CCDC93: variants seen among roughly 807,000 people sequenced by gnomAD.
CCDC93 encodes CCC complex scaffolding subunit CCDC93.
A neutral mutation model predicts 108.2 loss-of-function variants in CCDC93; 61 were observed. The ratio of observed to expected loss-of-function variants is 0.56; its 90% confidence interval spans 0.46 to 0.70. The LOEUF is 0.70. CCDC93 is among the 30% of genes least tolerant of loss of function. The pLI is 0.00. For synonymous variants in CCDC93, 276 were observed against 260.4 expected (o/e 1.06, Z -0.58); for missense variants, 685 against 764.2 (o/e 0.90, Z 1.22).
intron 23 of CCDC93, among the ~76,000 whole-genome samples, chr2:117,927,950 AT>A (rs1447638888): frequency 2.6e-5 from 4 of 152,214 alleles, no homozygotes; most frequent in Non-Finnish European, 5.9e-5. Context: ...CTCAGAAATA[AT>A]GCCGCACATC....
At chr2:117,923,943 T>G (rs1438435107) in intron 23 of CCDC93, among the ~76,000 whole-genome samples, 1 of 152,194 alleles carries the variant, frequency 6.6e-6, no homozygotes, top group Non-Finnish European at 1.5e-5. Context: ...TCCAGAGGAA[T>G]GATCAGGCAA....
At chr2:117,936,931 C>T (rs905835305) in intron 20 of CCDC93, 192 bp from the exon 21 acceptor site, 11 of 576,792 alleles carry the variant, frequency 1.9e-5, no homozygotes, top group Non-Finnish European at 3.4e-5. Flanking sequence ...CTCAGGGAAT[C>T]CACCTTCTTC....
intron 1 of CCDC93, 124 bp downstream of exon 1, chr2:118,013,830 G>T: frequency 3.6e-6 from 3 of 839,114 alleles, no homozygotes; most frequent in Non-Finnish European, 5.4e-6. Flanking sequence ...CCCTGAGGTG[G>T]ATACGCCTGA....
chr2:117,979,413 AC>A (rs1680042871), intron 7 of CCDC93, among the ~76,000 whole-genome samples: 1 of 152,130 alleles, frequency 6.6e-6, no homozygotes, highest in Non-Finnish European at 1.5e-5. Context: ...TCCCCCATGC[AC>A]ATGTGCTCAG....
chr2:117,947,640 C>T (rs956878177), intron 15 of CCDC93, among the ~76,000 whole-genome samples: 1 of 151,228 alleles, frequency 6.6e-6, no homozygotes, highest in Non-Finnish European at 1.5e-5. Context: ...AGTTACTAAC[C>T]ATGGTGCTCT....
chr2:118,009,603 C>T (rs748906619), intron 1 of CCDC93, among the ~76,000 whole-genome samples: 5 of 152,116 alleles, frequency 3.3e-5, no homozygotes, highest in African/African-American at 7.2e-5. Context: ...ACCCAGGAGG[C>T]GGGGGTTGCA....
At chr2:118,005,885 T>C (rs1242943937) in intron 3 of CCDC93, among the ~76,000 whole-genome samples, 1 of 152,152 alleles carries the variant, frequency 6.6e-6, no homozygotes, top group Non-Finnish European at 1.5e-5. Context: ...AATTGCAACA[T>C]TCCTGATGCT....
intron 18 of CCDC93, among the ~76,000 whole-genome samples, chr2:117,943,696 A>G (rs1249006267): frequency 1.3e-5 from 2 of 152,218 alleles, no homozygotes; most frequent in Non-Finnish European, 2.9e-5. Flanking sequence ...TCTCCCCCAT[A>G]TTTGATGTCA....
chr2:118,005,869 A>G (rs969493156), intron 3 of CCDC93, among the ~76,000 whole-genome samples: 7 of 152,156 alleles, frequency 4.6e-5, no homozygotes, highest in Non-Finnish European at 7.3e-5. Flanking sequence ...GTATAAATAT[A>G]AAGTAAATTG....
rs1677776702 is a variant in CCDC93 at position 117,918,949 on chromosome 2, T to C, written c.*1394A>G. 6.6e-6 allele frequency: 1 copy of C among 152,244 alleles called. No homozygotes were observed. The highest frequency in any genetic ancestry group is 6.5e-5 in the Admixed American group (1 of 15,288). The allele number at this position is 152,244 out of a possible 1,614,324, so 9.4% of individuals were successfully genotyped here. On this transcript the variant is annotated 3_prime_UTR_variant, in exon 24 of 24. Coordinates refer to ENST00000376300, the MANE Select transcript of CCDC93 (RefSeq NM_019044.5). ...CTGCTTAATCACATCCATTAGGGAC[T>C]AAAAATGAACACATTTCTGTGGCTG... is the stretch of plus-strand genomic sequence containing the variant.
chr2:117,923,655 GGCCTGCCTGCCT>G (rs756961154), intron 23 of CCDC93, among the ~76,000 whole-genome samples: 32 of 132,410 alleles, frequency 2.4e-4, no homozygotes, highest in East Asian at 2.2e-3. Flanking sequence ...AGCACAAGGA[GGCCTGCCTGCCT>G]GCCTGCCTGC....
intron 18 of CCDC93, among the ~76,000 whole-genome samples, chr2:117,943,786 C>G (rs1183484722): frequency 6.6e-6 from 1 of 152,202 alleles, no homozygotes; most frequent in Non-Finnish European, 1.5e-5. Context: ...CACTCTCCAC[C>G]TGGGGTTAGG....
rs148434878 is a variant in CCDC93 at position 117,941,195 on chromosome 2, G to A, written c.1516C>T (p.Arg506Cys). The A allele has an allele frequency of 5.3e-5, 86 of 1,608,038 alleles. No homozygotes were observed. Among genetic ancestry groups the A allele is most frequent in the African/African-American group, 2.8e-4 (21 of 74,790 alleles). Residue 506 changes from arginine to cysteine, a missense_variant, in exon 19 of 24, where the codon CGC (arginine) becomes TGC (cysteine). Physicochemically the swap from Arg to Cys is radical, Grantham distance 180. Coordinates refer to ENST00000376300, the MANE Select transcript of CCDC93 (RefSeq NM_019044.5). ...CTGTGGTCAATGCACCTACTCTGGC[G>A]GTAGAGTTCAATAAATCTCTTCTGA... ...QYQKRFIELY[R>C]QISAVHKETK... is the part of the protein sequence containing the mutation.
Position 117,920,106 on chromosome 2 carries a change from C to CCTATA in CCDC93, c.*232_*236dup. On this transcript the variant is annotated 3_prime_UTR_variant, in exon 24 of 24. Transcript: ENST00000376300. The stretch of plus-strand genomic sequence containing the variant: ...TTGAATCAACAGAGAACAAGTACTC[C>CCTATA]CTATATTCTTCATAGGATGATGGGT... The CCTATA allele has an allele frequency of 2.4e-6, 1 of 421,062 alleles. No homozygotes were observed. The highest frequency in any genetic ancestry group is 5.3e-5 in the South Asian group (1 of 18,708). The allele number at this position is 421,062 out of a possible 1,614,324, so 26.1% of individuals were successfully genotyped here. A position where few individuals can be genotyped will look rare whatever the true frequency, so the allele number is the denominator to read the frequency against.
At chr2:118,008,688 A>G in intron 1 of CCDC93, 30 bp from the exon 2 acceptor site, 3 of 1,432,350 alleles carry the variant, frequency 2.1e-6, no homozygotes, top group Non-Finnish European at 3.0e-6. Context: ...TTTGGCTGGT[A>G]AAAGATATGC....
chr2:117,955,074 A>G (rs1425255697), intron 12 of CCDC93, among the ~76,000 whole-genome samples: 1 of 152,156 alleles, frequency 6.6e-6, no homozygotes, highest in Non-Finnish European at 1.5e-5. Flanking sequence ...GAATGGACTA[A>G]TATTTCCTTA....
At chr2:117,990,517 A>T (rs1191122366) in intron 6 of CCDC93, among the ~76,000 whole-genome samples, 1 of 152,254 alleles carries the variant, frequency 6.6e-6, no homozygotes, top group Non-Finnish European at 1.5e-5. Flanking sequence ...AGAAGTATTA[A>T]AAGCCTTAGG....
At position 117,948,189 on chromosome 2, in the gene CCDC93, G is replaced by A. The variant is rs753358255; in HGVS notation, c.1143-3C>T. 4.4e-6 allele frequency: 7 copies of A among 1,608,052 alleles called. No homozygotes were observed. The highest frequency in any genetic ancestry group is 2.2e-5 in the East Asian group (1 of 44,778). ...GTGCTCTCAGGTTCTGTAGGATACT[G>A]AAGAGAAAAGACAAAAAAATGACAT... is the stretch of plus-strand genomic sequence containing the variant. On this transcript the variant is annotated splice_region_variant and splice_polypyrimidine_tract_variant and intron_variant, in intron 14 of 23. Coordinates refer to ENST00000376300, the MANE Select transcript of CCDC93 (RefSeq NM_019044.5).
Position 117,918,113 on chromosome 2 carries a change from G to C in CCDC93, c.*2230C>G, listed in dbSNP as rs1312031657. The C allele has an allele frequency of 6.6e-6, 1 of 152,186 alleles. No homozygotes were observed. The highest frequency in any genetic ancestry group is 1.5e-5 in the Non-Finnish European group (1 of 68,056). 9.4% of individuals were successfully genotyped at this position (152,186 alleles called of 1,614,324 possible). Reference sequence around the variant, plus strand: ...TGGTGCTCCAGGTGGCTTCTGAAATGATCAGGGGCCTTGGGGCATCTCCTT... The same window carrying C: ...TGGTGCTCCAGGTGGCTTCTGAAATCATCAGGGGCCTTGGGGCATCTCCTT... On this transcript the variant is annotated 3_prime_UTR_variant, in exon 24 of 24. Transcript: ENST00000376300.
Sources: allele counts gnomAD v4.1 joint callset (sites outside exome capture counted in the v4.1 genomes callset), GRCh38; gene constraint gnomAD v4.1.1; transcripts MANE v1.5; gene names NCBI Gene and HGNC (gene_info 2026-07-23, HGNC 2026-07-21).